Variants in TEAD1 observed in about 807,000 individuals in gnomAD.
The protein encoded by TEAD1 is transcriptional enhancer factor TEF-1.
Under a neutral mutation model 54.9 loss-of-function variants are expected in TEAD1, and 9 were observed. That is an observed-to-expected ratio of 0.16 (90% CI 0.10 to 0.29). TEAD1 has a LOEUF of 0.29. Ranked by LOEUF, TEAD1 falls within the 10% of genes least tolerant of loss-of-function variation. The pLI, the probability that TEAD1 is intolerant of heterozygous loss-of-function variation, is 1.00. For synonymous variants in TEAD1, 200 were observed against 187.8 expected (o/e 1.07, Z -0.53); for missense variants, 387 against 535.9 (o/e 0.72, Z 2.74).
At chr11:12,930,861 C>A (rs1949000865) in intron 12 of TEAD1, among the ~76,000 whole-genome samples, 2 of 152,174 alleles carry the variant, frequency 1.3e-5, no homozygotes, top group African/African-American at 4.8e-5. Flanking sequence ...TAAGAAGTTA[C>A]ATGCATTAAG....
At chr11:12,927,183 G>T (rs1176218976) in intron 11 of TEAD1, among the ~76,000 whole-genome samples, 1 of 152,022 alleles carries the variant, frequency 6.6e-6, no homozygotes, top group East Asian at 1.9e-4. Flanking sequence ...GGTGTGCATG[G>T]TAGGTGGGGT....
intron 4 of TEAD1, 61 bp from the exon 5 acceptor site, chr11:12,864,777 G>A (rs1947581937): frequency 1.9e-6 from 3 of 1,613,480 alleles, no homozygotes; most frequent in Non-Finnish European, 2.5e-6. Flanking sequence ...CTTGTAGGGG[G>A]CTTTTCATCT....
intron 2 of TEAD1, among the ~76,000 whole-genome samples, chr11:12,717,490 C>T (rs967696478): frequency 3.3e-5 from 5 of 152,162 alleles, no homozygotes; most frequent in Non-Finnish European, 7.3e-5. Flanking sequence ...TGCATGTGTG[C>T]CCTGTAGCAT....
intron 3 of TEAD1, among the ~76,000 whole-genome samples, chr11:12,824,497 G>T (rs1946612077): frequency 6.6e-6 from 1 of 152,244 alleles, no homozygotes. Context: ...TTTGGAACCA[G>T]TGTGTTCTTT....
chr11:12,741,992 C>T (rs1242922802), intron 2 of TEAD1, among the ~76,000 whole-genome samples: 5 of 152,226 alleles, frequency 3.3e-5, no homozygotes, highest in Non-Finnish European at 7.3e-5. Context: ...TTATGTCCCA[C>T]AAGCACCTGA....
intron 5 of TEAD1, among the ~76,000 whole-genome samples, chr11:12,878,528 G>T (rs1041309293): frequency 6.6e-6 from 1 of 152,100 alleles, no homozygotes; most frequent in Non-Finnish European, 1.5e-5. Flanking sequence ...TGCCTACGAG[G>T]CTCAAAGCCC....
In TEAD1 at chr11:12,783,192, C is replaced by CTTT. The variant is rs3046326; in HGVS notation, c.202+18776_202+18778dup. ...AAGGCCAGAGTTTTAGTTTTTGTGC[C>CTTT]TTTTTTTTTTTTTTTTTTTTAAGGC... is the stretch of plus-strand genomic sequence containing the variant. On this transcript the variant is annotated intron_variant, in intron 3 of 12. Transcript: ENST00000527636. 6.1e-3 allele frequency among the ~76,000 whole-genome samples: 608 copies of CTTT among 99,540 alleles called. 22 individuals carry two copies. Among genetic ancestry groups the CTTT allele is most frequent in the African/African-American group, 0.023 (561 of 24,480 alleles). The allele number at this position is 99,540 out of a possible 152,430, so 65.3% of individuals were successfully genotyped here.
chr11:12,819,542 A>G (rs1300577157), intron 3 of TEAD1, among the ~76,000 whole-genome samples: 1 of 152,022 alleles, frequency 6.6e-6, no homozygotes, highest in Admixed American at 6.6e-5. Context: ...CTCCGTCTCC[A>G]GGTTCACGCC....
chr11:12,848,570 TTTG>T (rs1381062241), intron 3 of TEAD1, among the ~76,000 whole-genome samples: 39 of 152,324 alleles, frequency 2.6e-4, no homozygotes, highest in African/African-American at 8.7e-4. Context: ...TCTTAACTTC[TTTG>T]AACTGCAGTT....
intron 2 of TEAD1, among the ~76,000 whole-genome samples, chr11:12,744,931 A>T (rs765724078): frequency 6.6e-6 from 1 of 152,102 alleles, no homozygotes; most frequent in Admixed American, 6.5e-5. Flanking sequence ...GAAAGGTTCT[A>T]CTTGGCTTCT....
At chr11:12,720,811 T>C (rs547011380) in intron 2 of TEAD1, among the ~76,000 whole-genome samples, 17 of 152,268 alleles carry the variant, frequency 1.1e-4, no homozygotes, top group East Asian at 3.9e-4. Context: ...GGAACAGATA[T>C]GGGCCCCAAG....
In TEAD1 at chr11:12,884,355, T is replaced by G. The variant is rs191041905; in HGVS notation, c.699+1230T>G. On this transcript the variant is annotated intron_variant, in intron 9 of 12. Transcript: ENST00000527636. The stretch of plus-strand genomic sequence containing the variant: ...ATCCTCACCAACTCTCACCACGTTC[T>G]CTATCTCACCCCATCCTTCCCATCT... Among the ~76,000 whole-genome samples, 5 of 152,312 alleles carry G rather than the reference T, an allele frequency of 3.3e-5. No individual in the cohort carries two copies. The East Asian group carries it at 9.7e-4, about 29-fold the overall frequency.
chr11:12,728,600 GGGCTAGTC>G (rs1944358639), intron 2 of TEAD1, among the ~76,000 whole-genome samples: 1 of 152,114 alleles, frequency 6.6e-6, no homozygotes, highest in African/African-American at 2.4e-5. Flanking sequence ...TCATCCCTTC[GGGCTAGTC>G]TTGTAATAGC....
chr11:12,911,899 C>T (rs561626020), intron 10 of TEAD1, among the ~76,000 whole-genome samples: 12 of 151,928 alleles, frequency 7.9e-5, no homozygotes, highest in South Asian at 4.2e-4. Context: ...TCTAAGGGAG[C>T]GTACCCTGTC....
intron 2 of TEAD1, among the ~76,000 whole-genome samples, chr11:12,738,489 C>A (rs1367080717): frequency 2.0e-5 from 3 of 152,150 alleles, no homozygotes; most frequent in Non-Finnish European, 4.4e-5. Context: ...CGTGTCTCAG[C>A]CCTTGCATCA....
At chr11:12,852,636 CG>C (rs1947299671) in intron 3 of TEAD1, among the ~76,000 whole-genome samples, 1 of 152,022 alleles carries the variant, frequency 6.6e-6, no homozygotes, top group East Asian at 1.9e-4. Context: ...TTAGTAGAGA[CG>C]GGGTTTCACC....
intron 2 of TEAD1, among the ~76,000 whole-genome samples, chr11:12,678,930 A>G (rs189622921): frequency 5.6e-4 from 85 of 152,326 alleles, no homozygotes; most frequent in African/African-American, 1.9e-3. Flanking sequence ...CAAAGTAAAA[A>G]TGGGATGCCC....
intron 3 of TEAD1, among the ~76,000 whole-genome samples, chr11:12,851,585 G>A (rs1947275737): frequency 6.7e-6 from 1 of 149,660 alleles, no homozygotes; most frequent in African/African-American, 2.4e-5. Flanking sequence ...CCTGAGGTCA[G>A]GAGTTCGAGA....
chr11:12,836,452 C>T (rs941055958), intron 3 of TEAD1, among the ~76,000 whole-genome samples: 1 of 151,380 alleles, frequency 6.6e-6, no homozygotes, highest in Admixed American at 6.6e-5. Flanking sequence ...GCTTTTCCCG[C>T]GATGATGAAT....
Sources: allele counts gnomAD v4.1 joint callset (sites outside exome capture counted in the v4.1 genomes callset), GRCh38; gene constraint gnomAD v4.1.1; transcripts MANE v1.5; gene names NCBI Gene and HGNC (gene_info 2026-07-23, HGNC 2026-07-21).